The following THOC6 variants were observed in gnomAD, a reference collection of about 807,000 sequenced individuals.
THOC6 encodes THO complex 6.
THOC6 carries 39 observed loss-of-function variants against 55.8 expected under a neutral mutation model. The ratio of observed to expected loss-of-function variants is 0.70; its 90% CI spans 0.54 to 0.91. The LOEUF (loss-of-function observed/expected upper bound fraction) is 0.91, where lower values mean the gene tolerates loss of function less well. THOC6 is among the 40% of genes least tolerant of loss of function. The pLI is 0.00. For missense variants in THOC6, 482 were observed against 442.0 expected, an observed-to-expected ratio of 1.09 and a Z score of -0.81; for synonymous variants, 192 against 175.6, an observed-to-expected ratio of 1.09 and a Z score of -0.74.
In THOC6 at chr16:3,024,143, C is replaced by A; in HGVS notation, c.-184C>A. ...TCCGGCTTAAGGGGGCTGCGGTGGA[C>A]ACCACTTCTTAATGTCGGGGGTCTT... is the stretch of plus-strand genomic sequence containing the variant. On this transcript the variant is annotated 5_prime_UTR_variant, in exon 1 of 13. Coordinates refer to ENST00000326266, the MANE Select transcript of THOC6 (RefSeq NM_024339.5). 1 of 741,316 alleles carries A rather than the reference C, an allele frequency of 1.3e-6. No homozygotes were observed. The allele number at this position is 741,316 out of a possible 1,614,324, so 45.9% of individuals were successfully genotyped here. A position where few individuals can be genotyped will look rare whatever the true frequency, so the allele number is the denominator to read the frequency against.
chr16:3,027,604 CG>C lies in THOC6; in HGVS notation c.976del (p.Val326TrpfsTer19). ...CCTGACAGCTGCAGGCAACAGCTGC[CG>C]GGTGGATGTCTTCACCAACCTGGGT... ...KVLTAAGNSCRVDVFTNLGYR... is the reference protein window; with the variant it reads ...KVLTAAGNSCXVDVFTNLGYR... On this transcript the variant is annotated frameshift_variant, in exon 13 of 13. Coordinates refer to ENST00000326266, the MANE Select transcript of THOC6 (RefSeq NM_024339.5). LOFTEE classifies it high-confidence loss of function. 6.2e-7 allele frequency: 1 copy of C among 1,614,126 alleles called. No individual in the cohort carries two copies. Among genetic ancestry groups the C allele is most frequent in the East Asian group, 2.2e-5 (1 of 44,884 alleles).
At position 3,024,246 on chromosome 16, in the gene THOC6, C is replaced by A. The variant is rs1294969750; in HGVS notation, c.-81C>A. ...TCGCGCCGAAGGCGGTAGGGCGCCA[C>A]GGAGAGGAACCGCTCTAGGCACGTA... On this transcript the variant is annotated 5_prime_UTR_variant, in exon 1 of 13. Coordinates refer to ENST00000326266, the MANE Select transcript of THOC6 (RefSeq NM_024339.5). The A allele has an allele frequency of 1.3e-5, 21 of 1,580,240 alleles. No individual in the cohort carries two copies. The highest frequency in any genetic ancestry group is 2.7e-5 in the African/African-American group (2 of 74,218).
rs1275655467 is a variant in THOC6 at position 3,024,159 on chromosome 16, C to G, written c.-168C>G. Reference sequence around the variant, plus strand: ...TGCGGTGGACACCACTTCTTAATGTCGGGGGTCTTCGCGGCGCTCACCTCG... The same window carrying G: ...TGCGGTGGACACCACTTCTTAATGTGGGGGGTCTTCGCGGCGCTCACCTCG... On this transcript the variant is annotated 5_prime_UTR_variant, in exon 1 of 13. Transcript: ENST00000326266. 7.5e-6 allele frequency: 6 copies of G among 796,552 alleles called. No individual in the cohort carries two copies. The highest frequency in any genetic ancestry group is 4.9e-5 in the South Asian group (3 of 61,378). 49.3% of individuals were successfully genotyped at this position (796,552 alleles called of 1,614,324 possible). A position where few individuals can be genotyped will look rare whatever the true frequency, so the allele number is the denominator to read the frequency against.
At chr16:3,026,488 C>T in intron 6 of THOC6, 28 bp from the exon 7 acceptor site, 1 of 1,614,106 alleles carries the variant, frequency 6.2e-7, no homozygotes, top group Non-Finnish European at 8.5e-7. Flanking sequence ...TTGACATTGA[C>T]TTTCTGCCTC....
chr16:3,024,266 C>A lies in THOC6; in HGVS notation c.-61C>A. The stretch of plus-strand genomic sequence containing the variant: ...CGCCACGGAGAGGAACCGCTCTAGG[C>A]ACGTAAGGCCTCGTGAGGTTGCGTC... On this transcript the variant is annotated 5_prime_UTR_variant, in exon 1 of 13. Coordinates refer to ENST00000326266, the MANE Select transcript of THOC6 (RefSeq NM_024339.5). 2 of 1,608,158 alleles carry A rather than the reference C, an allele frequency of 1.2e-6. No individual in the cohort carries two copies. The highest frequency in any genetic ancestry group is 1.7e-6 in the Non-Finnish European group (2 of 1,174,950).
At position 3,026,875 on chromosome 16, in the gene THOC6, A is replaced by G; in HGVS notation, c.595A>G (p.Thr199Ala). Residue 199 changes from threonine to alanine, a missense_variant, in exon 9 of 13, where the codon ACA becomes GCA. Coordinates refer to ENST00000326266, the MANE Select transcript of THOC6 (RefSeq NM_024339.5). ...DGAVRLWDLR[T>A]AKEVQTIEVY... ...CAGTTCTTTCCCCGCAGACCTGCGC[A>G]CAGCCAAGGAGGTCCAGACGATCGA... 1 of 1,614,212 alleles carries G rather than the reference A, an allele frequency of 6.2e-7. No individual in the cohort carries two copies. The highest frequency in any genetic ancestry group is 8.5e-7 in the Non-Finnish European group (1 of 1,180,034).
intron 1 of THOC6, among the ~76,000 whole-genome samples, chr16:3,024,937 ATTTT>A (rs35849212): frequency 9.8e-6 from 1 of 102,336 alleles, no homozygotes; most frequent in Non-Finnish European, 1.9e-5. Context: ...GCCCGGCCAA[ATTTT>A]TTTTTTTTTT....
chr16:3,025,239 G>T (rs2072755833), intron 1 of THOC6, among the ~76,000 whole-genome samples: 1 of 152,248 alleles, frequency 6.6e-6, no homozygotes, highest in Non-Finnish European at 1.5e-5. Context: ...ACTGCGCCCG[G>T]CCCCACATTT....
chr16:3,024,637 C>CTTTTTT (rs34833478), intron 1 of THOC6, among the ~76,000 whole-genome samples: 1 of 126,092 alleles, frequency 7.9e-6, no homozygotes, highest in African/African-American at 3.1e-5. Context: ...TTGCAAAGCA[C>CTTTTTT]TTTTTTTTTT....
chr16:3,024,084 A>C lies in THOC6; in HGVS notation c.-243A>C. On this transcript the variant is annotated 5_prime_UTR_variant, in exon 1 of 13. Transcript: ENST00000326266. ...GCGGAAGACGGGCGGCGCGTGGCGG[A>C]AGGCAGGCTTGCTCCTCGGGGTGGG... 1.3e-6 allele frequency: 1 copy of C among 767,528 alleles called. No individual in the cohort carries two copies. Among genetic ancestry groups the C allele is most frequent in the Admixed American group, 2.8e-5 (1 of 36,142 alleles). The allele number at this position is 767,528 out of a possible 1,614,324, so 47.5% of individuals were successfully genotyped here.
chr16:3,027,436 C>T lies in THOC6; in HGVS notation c.881C>T (p.Pro294Leu). The stretch of plus-strand genomic sequence containing the variant: ...AGCGGGGAGCTGAAGGCCCAGGTGC[C>T]TGGCTCCTCCCCAGGGCTGCTCAGC... ...QLSGELKAQV[P>L]GSSPGLLSLS... Residue 294 changes from proline to leucine, a missense_variant, in exon 12 of 13, where the codon CCT becomes CTT. By Grantham distance (98) the Pro-to-Leu change is moderately conservative. Coordinates refer to ENST00000326266, the MANE Select transcript of THOC6 (RefSeq NM_024339.5). 2 of 1,611,962 alleles carry T rather than the reference C, an allele frequency of 1.2e-6. No individual in the cohort carries two copies. The highest frequency in any genetic ancestry group is 1.7e-5 in the Admixed American group (1 of 59,978).
At chr16:3,026,342 T>G (rs747928332) in intron 5 of THOC6, 23 bp from the exon 6 acceptor site, 1 of 1,614,082 alleles carries the variant, frequency 6.2e-7, no homozygotes, top group Non-Finnish European at 8.5e-7. Context: ...ACTTCCTCAC[T>G]GACCTTGCCT....
In THOC6 at chr16:3,024,277, T is replaced by TA; in HGVS notation, c.-50_-49insA. ...GGAACCGCTCTAGGCACGTAAGGCC[T>TA]CGTGAGGTTGCGTCGCGCGCGGAGC... On this transcript the variant is annotated 5_prime_UTR_variant, in exon 1 of 13. Coordinates refer to ENST00000326266, the MANE Select transcript of THOC6 (RefSeq NM_024339.5). 6.2e-7 allele frequency: 1 copy of TA among 1,613,530 alleles called. No individual in the cohort carries two copies. The highest frequency in any genetic ancestry group is 8.5e-7 in the Non-Finnish European group (1 of 1,179,610).
chr16:3,027,153 C>CTGT lies in THOC6; in HGVS notation c.700-17_700-16insTGT. 6.2e-7 allele frequency: 1 copy of CTGT among 1,614,166 alleles called. No individual in the cohort carries two copies. Among genetic ancestry groups the CTGT allele is most frequent in the South Asian group, 1.1e-5 (1 of 91,070 alleles). On this transcript the variant is annotated splice_polypyrimidine_tract_variant and intron_variant, in intron 10 of 12. Transcript: ENST00000326266. ...GGCCTGTGGTTCACAGCTGGGGACT[C>CTGT]CCACCTTTCTGTCCAGGTCTGTGGA...
intron 12 of THOC6, 28 bp downstream of exon 12, chr16:3,027,528 C>T: frequency 6.2e-7 from 1 of 1,611,948 alleles, no homozygotes; most frequent in Non-Finnish European, 8.5e-7. Flanking sequence ...CGCGGAGCGG[C>T]TGGGAGGCAG....
At position 3,027,709 on chromosome 16, in the gene THOC6, C is replaced by CTTT; in HGVS notation, c.*67_*69dup. 21 of 1,350,064 alleles carry CTTT rather than the reference C, an allele frequency of 1.6e-5. No homozygotes were observed. The highest frequency in any genetic ancestry group is 1.7e-5 in the Non-Finnish European group (17 of 1,008,862). 83.6% of individuals were successfully genotyped at this position (1,350,064 alleles called of 1,614,324 possible). Reference sequence around the variant, plus strand: ...AGGGTTTTAGAGTGTTTTTCATTTTCTTTTTTTTTTTTTTTTTACAATAAA... The same window carrying CTTT: ...AGGGTTTTAGAGTGTTTTTCATTTTCTTTTTTTTTTTTTTTTTTTTACAATAAA... On this transcript the variant is annotated 3_prime_UTR_variant, in exon 13 of 13. Transcript: ENST00000326266.
In THOC6 at chr16:3,027,372, T is replaced by A. The variant is rs774376137; in HGVS notation, c.817T>A (p.Ser273Thr). The stretch of plus-strand genomic sequence containing the variant: ...CCTTCCCTGTCCTCTGCAGATTCTG[T>A]CAGCTGGCCAGGGCCGCTGCGTCAA... ...HVTFYQDLIL[S>T]AGQGRCVNQW... is the part of the protein sequence containing the mutation. The change falls in exon 12 of 13, where the codon TCA (serine) becomes ACA (threonine). Residue 273 changes from serine (S) to threonine (T), a missense_variant. Ser to Thr is a moderately conservative substitution (Grantham distance 58). Transcript: ENST00000326266. 1.4e-5 allele frequency: 22 copies of A among 1,612,936 alleles called. No homozygotes were observed. Among genetic ancestry groups the A allele is most frequent in the Non-Finnish European group, 1.8e-5 (21 of 1,179,360 alleles).
Position 3,024,332 on chromosome 16 carries a change from G to T in THOC6, c.6G>T (p.Glu2Asp), listed in dbSNP as rs1203204420. 1.2e-6 allele frequency: 2 copies of T among 1,614,064 alleles called. No individual in the cohort carries two copies. Among genetic ancestry groups the T allele is most frequent in the Non-Finnish European group, 1.7e-6 (2 of 1,180,028 alleles). Residue 2 changes from glutamate (E) to aspartate (D), a missense_variant, in exon 1 of 13, where the codon GAG becomes GAT. Transcript: ENST00000326266. The part of the protein sequence containing the change: M[E>D]RAVPLAVPLG... The stretch of plus-strand genomic sequence containing the variant: ...TGGGACTTGTAGTTCTGGAGATGGA[G>T]CGAGCTGTGCCGCTCGCGGTGCCTC...
intron 1 of THOC6, among the ~76,000 whole-genome samples, chr16:3,025,083 C>T (rs186819616): frequency 1.1e-4 from 16 of 151,670 alleles, no homozygotes; most frequent in Non-Finnish European, 2.2e-4. Flanking sequence ...GCTGAGATTA[C>T]AGGCATGCGC....
Sources: allele counts gnomAD v4.1 joint callset (sites outside exome capture counted in the v4.1 genomes callset), GRCh38; gene constraint gnomAD v4.1.1; transcripts MANE v1.5; gene names NCBI Gene and HGNC (gene_info 2026-07-23, HGNC 2026-07-21).